The following DNAJC27 variants were observed in gnomAD, a reference collection of about 807,000 sequenced individuals.
DNAJC27 encodes the protein dnaJ homolog subfamily C member 27.
Under a neutral mutation model 31.4 loss-of-function variants are expected in DNAJC27, and 25 were observed. That is an observed-to-expected ratio of 0.80 (90% CI 0.58 to 1.11). The LOEUF (loss-of-function observed/expected upper bound fraction) is 1.11, where lower values mean the gene tolerates loss of function less well. Ranked by LOEUF, DNAJC27 falls within the 50% of genes most tolerant of loss-of-function variation. The probability of loss-of-function intolerance (pLI) is 0.00; values close to 1 mark genes in which losing one functional copy is unlikely to be tolerated. For synonymous variants in DNAJC27, 106 were observed against 112.7 expected, an observed-to-expected ratio of 0.94 and a Z score of 0.37; for missense variants, 356 against 347.3, an observed-to-expected ratio of 1.02 and a Z score of -0.20.
intron 5 of DNAJC27, among the ~76,000 whole-genome samples, chr2:24,954,341 T>C (rs1026549370): frequency 2.6e-5 from 4 of 152,288 alleles, no homozygotes; most frequent in South Asian, 2.1e-4. Context: ...AGTGGAGATA[T>C]TGCCTTAACC....
intron 6 of DNAJC27, among the ~76,000 whole-genome samples, 200 bp downstream of exon 6, chr2:24,951,194 A>T (rs1412871181): frequency 6.6e-6 from 1 of 152,250 alleles, no homozygotes; most frequent in African/African-American, 2.4e-5. Context: ...TACACGACAC[A>T]GTTTTCTCAC....
intron 3 of DNAJC27, among the ~76,000 whole-genome samples, chr2:24,962,295 C>T (rs1666069724): frequency 6.6e-6 from 1 of 150,432 alleles, no homozygotes; most frequent in South Asian, 2.1e-4. Flanking sequence ...GAGTTTCACT[C>T]TTTCACCCAG....
chr2:24,961,049 G>A (rs537464744), intron 3 of DNAJC27, among the ~76,000 whole-genome samples: 4 of 152,316 alleles, frequency 2.6e-5, no homozygotes, highest in Admixed American at 6.5e-5. Flanking sequence ...AGGAAAAGTC[G>A]ATGCCTGGCT....
chr2:24,960,628 A>G (rs902238699), intron 3 of DNAJC27, among the ~76,000 whole-genome samples: 2 of 152,212 alleles, frequency 1.3e-5, no homozygotes, highest in Admixed American at 6.5e-5. Flanking sequence ...GAACACATGA[A>G]TGCTAAGAAA....
chr2:24,971,874 G>T lies in DNAJC27; in HGVS notation c.31C>A (p.Pro11Thr). 6.2e-7 allele frequency: 1 copy of T among 1,606,556 alleles called. No individual in the cohort carries two copies. MEANMPKRKEPGRSLRIKVIS... is the reference protein window; with the variant it reads MEANMPKRKETGRSLRIKVIS... ...ACTTTGATGCGGAGAGACCTGCCGG[G>T]CTCCTTCCGCTTCGGCATGTTGGCC... Residue 11 changes from proline (P) to threonine (T), a missense_variant, in exon 1 of 7, where the codon CCC becomes ACC. Pro to Thr is a conservative substitution (Grantham distance 38). Transcript: ENST00000264711.
In DNAJC27 at chr2:24,953,451, T is replaced by C. The variant is rs534872635; in HGVS notation, c.529-1897A>G. On this transcript the variant is annotated intron_variant, in intron 5 of 6. Transcript: ENST00000264711. ...AACAGTTATCAATCAGATAAAACCA[T>C]GTTACTTCCTGACATAAAATGTCTA... 191 of 159,662 alleles carry C rather than the reference T, an allele frequency of 1.2e-3. 3 individuals are homozygous for C. In the South Asian group the frequency reaches 0.036, roughly 30 times the overall value. 9.9% of individuals were successfully genotyped at this position (159,662 alleles called of 1,614,324 possible).
At chr2:24,950,374 T>C (rs145005864) in intron 6 of DNAJC27, among the ~76,000 whole-genome samples, 114 of 152,188 alleles carry the variant, frequency 7.5e-4, no homozygotes, top group African/African-American at 2.7e-3. Flanking sequence ...GTGAAGTATG[T>C]GGGGGGAGTC....
intron 3 of DNAJC27, among the ~76,000 whole-genome samples, chr2:24,961,401 C>T (rs1476710685): frequency 6.6e-6 from 1 of 152,134 alleles, no homozygotes; most frequent in Non-Finnish European, 1.5e-5. Flanking sequence ...ATTATGCCTG[C>T]TAACACAACA....
In DNAJC27 at chr2:24,944,524, A is replaced by G. The variant is rs1388206204; in HGVS notation, c.*3092T>C. 2 of 152,612 alleles carry G rather than the reference A, an allele frequency of 1.3e-5. No individual in the cohort carries two copies. The highest frequency in any genetic ancestry group is 4.8e-5 in the African/African-American group (2 of 41,450). 9.5% of individuals were successfully genotyped at this position (152,612 alleles called of 1,614,324 possible). ...GAAATAGTTACTTAGTTGAGAATTC[A>G]ATATATGAGAACATACTAGAGTAAG... On this transcript the variant is annotated 3_prime_UTR_variant, in exon 7 of 7. Transcript: ENST00000264711.
intron 3 of DNAJC27, among the ~76,000 whole-genome samples, chr2:24,959,698 C>T (rs1314662924): frequency 6.6e-6 from 1 of 152,204 alleles, no homozygotes; most frequent in Non-Finnish European, 1.5e-5. Flanking sequence ...ACCTCTTTAT[C>T]TTTAATTGTT....
At chr2:24,950,598 G>C (rs961633029) in intron 6 of DNAJC27, among the ~76,000 whole-genome samples, 2 of 152,176 alleles carry the variant, frequency 1.3e-5, no homozygotes, top group Non-Finnish European at 2.9e-5. Flanking sequence ...CGTAATCCCA[G>C]TAGTTTGGGA....
At chr2:24,958,584 G>A (rs1219496069) in intron 3 of DNAJC27, 4 of 420,198 alleles carry the variant, frequency 9.5e-6, no homozygotes, top group Non-Finnish European at 1.5e-5. Context: ...TAACCTCTCT[G>A]CGTCTCAGTT....
chr2:24,954,257 C>A (rs894822492), intron 5 of DNAJC27, among the ~76,000 whole-genome samples: 21 of 152,150 alleles, frequency 1.4e-4, no homozygotes, highest in African/African-American at 4.6e-4. Flanking sequence ...GGGTTGAGAA[C>A]AAAACCAATA....
chr2:24,948,916 T>G (rs1665705550), intron 6 of DNAJC27, among the ~76,000 whole-genome samples: 1 of 152,236 alleles, frequency 6.6e-6, no homozygotes, highest in African/African-American at 2.4e-5. Context: ...CTTTCTCCTT[T>G]ATTTTTATCG....
At chr2:24,958,002 A>T in intron 3 of DNAJC27, 28 bp from the exon 4 acceptor site, 1 of 1,599,560 alleles carries the variant, frequency 6.3e-7, no homozygotes, top group South Asian at 1.1e-5. Context: ...GATACACAAA[A>T]CGTAGTTTTT....
intron 3 of DNAJC27, among the ~76,000 whole-genome samples, chr2:24,959,255 C>T (rs1665983940): frequency 1.3e-5 from 2 of 152,176 alleles, no homozygotes; most frequent in African/African-American, 4.8e-5. Flanking sequence ...AACTCCCCTT[C>T]TCTCTATTGC....
Position 24,967,273 on chromosome 2 carries a change from G to A in DNAJC27, c.108C>T (p.Tyr36=), listed in dbSNP as rs1355508640. The A allele has an allele frequency of 6.2e-7, 1 of 1,613,342 alleles. No homozygotes were observed. The highest frequency in any genetic ancestry group is 8.5e-7 in the Non-Finnish European group (1 of 1,179,400). ...ATTTAGACACGAATCTTTTCTCACAGTATCGCTTTATAATACAGCTCTAAA... is the reference window on the plus strand; with the variant it reads ...ATTTAGACACGAATCTTTTCTCACAATATCGCTTTATAATACAGCTCTAAA... ...EVGKSCIIKR[Y]CEKRFVSKYL... Residue 36 remains tyrosine, a synonymous_variant, in exon 2 of 7, where the codon TAC becomes TAT. Transcript: ENST00000264711.
At chr2:24,952,159 T>C (rs1665792425) in intron 5 of DNAJC27, among the ~76,000 whole-genome samples, 1 of 152,124 alleles carries the variant, frequency 6.6e-6, no homozygotes, top group Non-Finnish European at 1.5e-5. Context: ...TGATGAACAT[T>C]GTTAGAAAAA....
At chr2:24,953,220 G>C (rs1416397552) in intron 5 of DNAJC27, among the ~76,000 whole-genome samples, 1 of 151,768 alleles carries the variant, frequency 6.6e-6, no homozygotes, top group Non-Finnish European at 1.5e-5. Context: ...TTCTTTTTTG[G>C]ATTCTTTTAT....
Sources: gnomAD v4.1 joint callset for allele counts (sites outside exome capture counted in the v4.1 genomes callset) on GRCh38, gnomAD v4.1.1 for gene constraint, MANE v1.5 for transcripts, NCBI Gene and HGNC (gene_info 2026-07-23, HGNC 2026-07-21) for gene names.